Variants in RNF169 observed in about 807,000 individuals in gnomAD.
RNF169 encodes ring finger protein 169, also known as E3 ubiquitin-protein ligase RNF169.
Under a neutral mutation model 53.9 loss-of-function variants are expected in RNF169, and 24 were observed. The observed-to-expected ratio is 0.45, with a 90% CI of 0.32 to 0.63. The LOEUF is 0.63. Ranked by LOEUF, RNF169 falls within the 20% of genes least tolerant of loss-of-function variation. The probability of loss-of-function intolerance (pLI) is 0.04; values close to 1 mark genes in which losing one functional copy is unlikely to be tolerated. For synonymous variants in RNF169, 396 were observed against 363.5 expected (o/e 1.09, Z -1.02); for missense variants, 883 against 906.2 (o/e 0.97, Z 0.33).
At chr11:74,768,998 C>G (rs766364415) in intron 1 of RNF169, among the ~76,000 whole-genome samples, 1 of 152,024 alleles carries the variant, frequency 6.6e-6, no homozygotes, top group Non-Finnish European at 1.5e-5. Flanking sequence ...AGTGAGTGCT[C>G]TAGCCTGGGT....
At chr11:74,818,767 T>C (rs2035972369) in intron 4 of RNF169, among the ~76,000 whole-genome samples, 1 of 152,106 alleles carries the variant, frequency 6.6e-6, no homozygotes, top group African/African-American at 2.4e-5. Flanking sequence ...ATCTCTAGGG[T>C]TCAACTCTTC....
At chr11:74,770,484 C>T (rs1565172902) in intron 1 of RNF169, among the ~76,000 whole-genome samples, 1 of 152,190 alleles carries the variant, frequency 6.6e-6, no homozygotes, top group Non-Finnish European at 1.5e-5. Flanking sequence ...TGAAAGATAT[C>T]CCCCAAACTG....
intron 1 of RNF169, among the ~76,000 whole-genome samples, chr11:74,786,621 A>G (rs1474257991): frequency 6.6e-6 from 1 of 152,212 alleles, no homozygotes; most frequent in African/African-American, 2.4e-5. Context: ...CCACAATTTA[A>G]AGAATGCTGT....
intron 4 of RNF169, among the ~76,000 whole-genome samples, chr11:74,821,704 A>G (rs1484073973): frequency 2.0e-5 from 3 of 151,692 alleles, no homozygotes; most frequent in Non-Finnish European, 4.4e-5. Context: ...CGGGTCCAGA[A>G]TAGGCAAATA....
chr11:74,833,604 C>CT (rs1229541606), intron 4 of RNF169, among the ~76,000 whole-genome samples: 2 of 152,142 alleles, frequency 1.3e-5, no homozygotes, highest in African/African-American at 4.8e-5. Context: ...CCACTGGACT[C>CT]TGATTCCTTG....
chr11:74,825,621 A>C (rs2036083435), intron 4 of RNF169, among the ~76,000 whole-genome samples: 1 of 152,242 alleles, frequency 6.6e-6, no homozygotes, highest in Non-Finnish European at 1.5e-5. Flanking sequence ...AAAATTAAAA[A>C]GGAGGGACTC....
chr11:74,751,575 A>C (rs2034895939), intron 1 of RNF169, among the ~76,000 whole-genome samples: 1 of 152,214 alleles, frequency 6.6e-6, no homozygotes, highest in Non-Finnish European at 1.5e-5. Flanking sequence ...TTTCCCTTGA[A>C]GATGTTTTTG....
intron 1 of RNF169, among the ~76,000 whole-genome samples, chr11:74,756,528 A>C (rs1247011085): frequency 6.6e-6 from 1 of 152,254 alleles, no homozygotes; most frequent in Admixed American, 6.5e-5. Flanking sequence ...CTAGGTCAAC[A>C]AATGTAAGGT....
chr11:74,787,726 G>A (rs1240356407), intron 1 of RNF169, among the ~76,000 whole-genome samples: 2 of 152,184 alleles, frequency 1.3e-5, no homozygotes, highest in South Asian at 4.1e-4. Flanking sequence ...TAGGCTTCAT[G>A]ACAGAGGGGC....
intron 4 of RNF169, among the ~76,000 whole-genome samples, chr11:74,822,888 ATGCCAGGCACTG>A (rs2036035488): frequency 6.6e-6 from 1 of 152,206 alleles, no homozygotes; most frequent in East Asian, 1.9e-4. Context: ...TATCCACTGT[ATGCCAGGCACTG>A]TGTTAGGGTT....
chr11:74,817,694 C>T lies in RNF169; in HGVS notation c.822C>T (p.Tyr274=). The change falls in exon 4 of 6, where the codon TAC becomes TAT. Residue 274 remains tyrosine (Y), a synonymous_variant. Coordinates refer to ENST00000299563, the MANE Select transcript of RNF169 (RefSeq NM_001098638.2). The part of the protein sequence containing the change: ...RSAFVSKNNS[Y]SLAFLAGKLN... ...CATTTGTTTCCAAGAACAACTCCTA[C>T]TCCTTAGCTTTCCTGGCAGGGTAAG... The T allele has an allele frequency of 6.2e-7, 1 of 1,610,792 alleles. No individual in the cohort carries two copies. The highest frequency in any genetic ancestry group is 8.5e-7 in the Non-Finnish European group (1 of 1,176,948).
Position 74,749,305 on chromosome 11 carries a change from G to A in RNF169, c.425G>A (p.Arg142His). ...CGCCGCAGCCAACCCGAGCGCTGCC[G>A]CCCGCGCCGGGACGGGGGCGCGGCT... is the stretch of plus-strand genomic sequence containing the variant. The part of the protein sequence containing the change: ...CARRSQPERC[R>H]PRRDGGAAAA... The change falls in exon 1 of 6, where the codon CGC (arginine) becomes CAC (histidine). Residue 142 changes from arginine (R) to histidine (H), a missense_variant. By Grantham distance (29) the Arg-to-His change is conservative (BLOSUM62 0). Around this residue, in one of 3 missense-constraint regions of RNF169, gnomAD observed 313 missense variants for 279.9 expected, o/e 1.12. Transcript: ENST00000299563. 1 of 1,180,214 alleles carries A rather than the reference G, an allele frequency of 8.5e-7. No individual in the cohort carries two copies. Among genetic ancestry groups the A allele is most frequent in the Admixed American group, 4.6e-5 (1 of 21,750 alleles). 73.1% of individuals were successfully genotyped at this position (1,180,214 alleles called of 1,614,324 possible). A position where few individuals can be genotyped will look rare whatever the true frequency, so the allele number is the denominator to read the frequency against.
chr11:74,827,234 T>TTG (rs2036112247), intron 4 of RNF169, among the ~76,000 whole-genome samples: 4 of 152,208 alleles, frequency 2.6e-5, no homozygotes, highest in African/African-American at 9.6e-5. Context: ...GGCTTGGGGC[T>TTG]CGTACTCTCT....
intron 4 of RNF169, among the ~76,000 whole-genome samples, chr11:74,824,000 A>G (rs2036056277): frequency 6.6e-6 from 1 of 152,176 alleles, no homozygotes; most frequent in Non-Finnish European, 1.5e-5. Context: ...TGCAAAAAAT[A>G]TGAGGCATAA....
chr11:74,760,113 A>G (rs2135310164), intron 1 of RNF169, among the ~76,000 whole-genome samples: 1 of 151,638 alleles, frequency 6.6e-6, no homozygotes, highest in Non-Finnish European at 1.5e-5. Flanking sequence ...TGTTTGTAGT[A>G]TTCTCTGATG....
At position 74,810,917 on chromosome 11, in the gene RNF169, C is replaced by T. The variant is rs532386977; in HGVS notation, c.723+587C>T. Among the ~76,000 whole-genome samples the T allele has an allele frequency of 3.9e-4, 60 of 152,270 alleles. No individual in the cohort carries two copies. The South Asian group carries it at 0.011, about 29-fold the overall frequency. On this transcript the variant is annotated intron_variant, in intron 3 of 5. Coordinates refer to ENST00000299563, the MANE Select transcript of RNF169 (RefSeq NM_001098638.2). ...ACTTTTGGAGGATCCACTAATTATA[C>T]CCAAATGGATAATCACAATTGAGTT...
intron 4 of RNF169, among the ~76,000 whole-genome samples, chr11:74,833,323 A>G (rs1271453900): frequency 6.6e-6 from 1 of 152,252 alleles, no homozygotes; most frequent in African/African-American, 2.4e-5. Context: ...CTTTTGCTAC[A>G]AAAGAGTAGA....
chr11:74,810,407 C>T lies in RNF169; in HGVS notation c.723+77C>T. The T allele has an allele frequency of 3.0e-6, 4 of 1,350,828 alleles. No individual in the cohort carries two copies. In the Admixed American group the frequency reaches 5.5e-5, roughly 18 times the overall value. 83.7% of individuals were successfully genotyped at this position (1,350,828 alleles called of 1,614,324 possible). ...CCCAGGTGACCTGGACCTGAAAGAC[C>T]TATGTTGGTAAATTGTGAGACCAGT... On this transcript the variant is annotated intron_variant, in intron 3 of 5. Coordinates refer to ENST00000299563, the MANE Select transcript of RNF169 (RefSeq NM_001098638.2).
intron 2 of RNF169, among the ~76,000 whole-genome samples, chr11:74,793,401 T>C (rs2135089975): frequency 6.6e-6 from 1 of 152,346 alleles, no homozygotes; most frequent in East Asian, 1.9e-4. Context: ...ACTAATATAC[T>C]TTTCACTTAG....
Sources: allele counts gnomAD v4.1 joint callset (sites outside exome capture counted in the v4.1 genomes callset), GRCh38; gene constraint gnomAD v4.1.1; regional missense constraint gnomAD v4.1.1; transcripts MANE v1.5; gene names NCBI Gene and HGNC (gene_info 2026-07-23, HGNC 2026-07-21).